TMEM178B: variants seen among roughly 807,000 people sequenced by gnomAD.
TMEM178B encodes transmembrane protein 178B.
TMEM178B carries 5 observed loss-of-function variants against 31.0 expected under a neutral mutation model. That is an observed-to-expected ratio of 0.16 (90% confidence interval 0.08 to 0.34). The LOEUF is 0.34. Ranked by LOEUF, TMEM178B falls within the 10% of genes least tolerant of loss-of-function variation. TMEM178B has a pLI of 1.00. For missense variants in TMEM178B, 275 were observed against 400.3 expected, an observed-to-expected ratio of 0.69 and a Z score of 2.67; for synonymous variants, 164 against 164.0, an observed-to-expected ratio of 1.00 and a Z score of 0.00.
At chr7:141,225,976 CTGGCACCAAATTAGAAA>C (rs1261214883) in intron 2 of TMEM178B, among the ~76,000 whole-genome samples, 26 of 152,236 alleles carry the variant, frequency 1.7e-4, no homozygotes. Flanking sequence ...GCTTGGGCGC[CTGGCACCAAATTAGAAA>C]TGAGCAATCA....
intron 3 of TMEM178B, 21 bp from the exon 4 acceptor site, chr7:141,470,515 G>C: frequency 6.7e-7 from 1 of 1,485,716 alleles, no homozygotes; most frequent in Non-Finnish European, 8.9e-7. Context: ...CCCATCCTGT[G>C]TCTTTTCCCT....
rs144682243 is a variant in TMEM178B, at chr7:141,097,912, C to G, written c.382+23220C>G. ...GTTCAAGTGATCCTCCCACCTCAGC[C>G]CACCAAGTAGCTGGGACTACAGGTG... On this transcript the variant is annotated intron_variant, in intron 1 of 3. Coordinates refer to ENST00000565468, the MANE Select transcript of TMEM178B (RefSeq NM_001195278.2). Among the ~76,000 whole-genome samples the G allele has an allele frequency of 2.6e-5, 4 of 151,596 alleles. No individual in the cohort carries two copies. In the East Asian group the frequency reaches 7.7e-4, roughly 29 times the overall value.
At chr7:141,284,009 G>A (rs887409239) in intron 2 of TMEM178B, among the ~76,000 whole-genome samples, 1 of 152,208 alleles carries the variant, frequency 6.6e-6, no homozygotes, top group Admixed American at 6.5e-5. Flanking sequence ...TCCTTCAGCC[G>A]AATCATGCAA....
At chr7:141,339,591 A>G (rs1190828839) in intron 2 of TMEM178B, among the ~76,000 whole-genome samples, 1 of 152,268 alleles carries the variant, frequency 6.6e-6, no homozygotes, top group African/African-American at 2.4e-5. Context: ...GTGCAAATAT[A>G]AAATGGAATA....
At chr7:141,498,932 C>G in the TMEM178B span, among the ~76,000 whole-genome samples, 79 of 152,210 alleles carry the variant, frequency 5.2e-4, no homozygotes, top group African/African-American at 1.9e-3. Context: ...GGATGCCAGT[C>G]GTGGAAAGTC....
the TMEM178B span, among the ~76,000 whole-genome samples, chr7:141,511,140 T>C: frequency 1.3e-5 from 2 of 151,178 alleles, no homozygotes; most frequent in African/African-American, 2.4e-5. Flanking sequence ...AGTTTGGCAG[T>C]GAGGAGACTT....
At chr7:141,201,734 A>G (rs1796880451) in intron 1 of TMEM178B, among the ~76,000 whole-genome samples, 3 of 152,082 alleles carry the variant, frequency 2.0e-5, no homozygotes, top group African/African-American at 7.2e-5. Context: ...GCTCTCCTTC[A>G]CTTCTGTGCT....
rs569796440 is a variant in TMEM178B at position 141,337,422 on chromosome 7, G to A, written c.497-100186G>A. 3.3e-5 allele frequency among the ~76,000 whole-genome samples: 5 copies of A among 151,684 alleles called. No individual in the cohort carries two copies. The South Asian group carries it at 1.0e-3, about 32-fold the overall frequency. The stretch of plus-strand genomic sequence containing the variant: ...AACAGCAGCAAGAAACTCTTATTGG[G>A]CTTACTTGCCAAGTGCTATTGTAAA... On this transcript the variant is annotated intron_variant, in intron 2 of 3. Transcript: ENST00000565468.
At chr7:141,086,505 AT>A (rs1222589373) in intron 1 of TMEM178B, among the ~76,000 whole-genome samples, 11 of 152,246 alleles carry the variant, frequency 7.2e-5, no homozygotes, top group African/African-American at 2.7e-4. Context: ...ATAGGACACC[AT>A]TTATACGAAG....
intron 2 of TMEM178B, among the ~76,000 whole-genome samples, chr7:141,386,635 C>T (rs557389482): frequency 6.6e-6 from 1 of 152,290 alleles, no homozygotes; most frequent in South Asian, 2.1e-4. Flanking sequence ...GGGTTTTAAA[C>T]ATTCTAGGGG....
At chr7:141,134,720 T>C (rs1055895447) in intron 1 of TMEM178B, among the ~76,000 whole-genome samples, 1 of 152,202 alleles carries the variant, frequency 6.6e-6, no homozygotes, top group Non-Finnish European at 1.5e-5. Context: ...ACTTAGAAGA[T>C]ATAGAATGAC....
At chr7:141,278,583 CAAAAAAT>C (rs1430846409) in intron 2 of TMEM178B, among the ~76,000 whole-genome samples, 4 of 150,422 alleles carry the variant, frequency 2.7e-5, no homozygotes, top group East Asian at 1.9e-4. Context: ...CTCTGTCTCA[CAAAAAAT>C]AAAAAATAAA....
intron 1 of TMEM178B, among the ~76,000 whole-genome samples, chr7:141,095,755 G>GAGGCTCAAAAATGTTTACC (rs1252249625): frequency 6.6e-6 from 1 of 152,170 alleles, no homozygotes; most frequent in Non-Finnish European, 1.5e-5. Context: ...CAGAAGACCT[G>GAGGCTCAAAAATGTTTACC]AGGCTCAAAA....
intron 2 of TMEM178B, among the ~76,000 whole-genome samples, chr7:141,227,393 G>T (rs1448691849): frequency 6.6e-6 from 1 of 152,188 alleles, no homozygotes; most frequent in African/African-American, 2.4e-5. Flanking sequence ...GCTTGCATTC[G>T]TATGCAATAA....
rs1388253334 is a variant in TMEM178B at position 141,475,234 on chromosome 7, T to G, written c.*4448T>G. 1 of 152,138 alleles carries G rather than the reference T, an allele frequency of 6.6e-6. No homozygotes were observed. The highest frequency in any genetic ancestry group is 2.4e-5 in the African/African-American group (1 of 41,434). 9.4% of individuals were successfully genotyped at this position (152,138 alleles called of 1,614,324 possible). On this transcript the variant is annotated 3_prime_UTR_variant, in exon 4 of 4. Coordinates refer to ENST00000565468, the MANE Select transcript of TMEM178B (RefSeq NM_001195278.2). Reference sequence around the variant, plus strand: ...TGTGGGATAGACTAAGGGGGCAGATTTTTAAGAACCCCACCAGAGTTGACA... The same window carrying G: ...TGTGGGATAGACTAAGGGGGCAGATGTTTAAGAACCCCACCAGAGTTGACA...
the TMEM178B span, among the ~76,000 whole-genome samples, chr7:141,488,824 G>GA: frequency 6.4e-3 from 879 of 137,690 alleles, 7 homozygotes; most frequent in African/African-American, 0.019. Flanking sequence ...AGTCATTTTA[G>GA]AAAAAAAAAA....
intron 1 of TMEM178B, among the ~76,000 whole-genome samples, chr7:141,087,668 C>T (rs570687543): frequency 6.6e-6 from 1 of 152,274 alleles, no homozygotes; most frequent in South Asian, 2.1e-4. Flanking sequence ...GTATATTTGT[C>T]TTCTTTAGCA....
At chr7:141,401,374 G>GC (rs1304790699) in intron 2 of TMEM178B, among the ~76,000 whole-genome samples, 2 of 152,082 alleles carry the variant, frequency 1.3e-5, no homozygotes, top group African/African-American at 4.8e-5. Flanking sequence ...GTACCACTGG[G>GC]CAATAAACAT....
chr7:141,497,583 T>G, the TMEM178B span, among the ~76,000 whole-genome samples: 1 of 152,184 alleles, frequency 6.6e-6, no homozygotes, highest in Non-Finnish European at 1.5e-5. Flanking sequence ...CTGGTATCAT[T>G]TTGGCTTTTC....
Sources: gnomAD v4.1 joint callset for allele counts (sites outside exome capture counted in the v4.1 genomes callset) on GRCh38, gnomAD v4.1.1 for gene constraint, MANE v1.5 for transcripts, NCBI Gene and HGNC (gene_info 2026-07-23, HGNC 2026-07-21) for gene names.